GEMIN2: variants seen among roughly 807,000 people sequenced by gnomAD.
GEMIN2 encodes gem nuclear organelle associated protein 2, also known as gem-associated protein 2.
Under a neutral mutation model 45.8 loss-of-function variants are expected in GEMIN2, and 37 were observed. That is an observed-to-expected ratio of 0.81 (90% confidence interval 0.62 to 1.06). GEMIN2 has a LOEUF of 1.06. Ranked by LOEUF, GEMIN2 falls within the 50% of genes least tolerant of loss-of-function variation. The pLI is 0.00. For synonymous variants in GEMIN2, 101 were observed against 111.5 expected (o/e 0.91, Z 0.60); for missense variants, 335 against 321.8 (o/e 1.04, Z -0.31).
At chr14:39,134,822 C>A (rs35502984) in intron 9 of GEMIN2, among the ~76,000 whole-genome samples, 1 of 151,940 alleles carries the variant, frequency 6.6e-6, no homozygotes, top group South Asian at 2.1e-4. Flanking sequence ...ACTTTGACTC[C>A]GGAGCTAAAC....
intron 4 of GEMIN2, chr14:39,121,875 G>T (rs1186632576): frequency 6.3e-6 from 1 of 157,698 alleles, no homozygotes; most frequent in South Asian, 1.4e-4. Context: ...ACCACATCCG[G>T]CTAATTTTTT....
chr14:39,129,644 C>G (rs2052689785), intron 7 of GEMIN2, among the ~76,000 whole-genome samples: 1 of 152,102 alleles, frequency 6.6e-6, no homozygotes, highest in South Asian at 2.1e-4. Flanking sequence ...AACTCATGAC[C>G]TCAGGTGATC....
At chr14:39,123,155 A>T (rs2052594995) in intron 5 of GEMIN2, among the ~76,000 whole-genome samples, 1 of 152,214 alleles carries the variant, frequency 6.6e-6, no homozygotes, top group Non-Finnish European at 1.5e-5. Context: ...TTCAGGATTT[A>T]CCTGCCCCCA....
rs1464522374 is a variant in GEMIN2 at position 39,128,451 on chromosome 14, T to C, written c.600+103T>C. 5.1e-6 allele frequency: 3 copies of C among 589,590 alleles called. No individual in the cohort carries two copies. The East Asian group carries it at 8.9e-5, about 17-fold the overall frequency. The allele number at this position is 589,590 out of a possible 1,614,324, so 36.5% of individuals were successfully genotyped here. ...TGGTGCTCCTATAGGATTATAATAC[T>C]GTATTTTTACTGCACATTTTCTTTT... On this transcript the variant is annotated intron_variant, in intron 7 of 9. Transcript: ENST00000308317.
Position 39,122,460 on chromosome 14 carries a change from A to C in GEMIN2, c.403A>C (p.Lys135Gln). The C allele has an allele frequency of 6.2e-7, 1 of 1,603,808 alleles. No homozygotes were observed. The highest frequency in any genetic ancestry group is 8.5e-7 in the Non-Finnish European group (1 of 1,173,760). Residue 135 changes from lysine to glutamine, a missense_variant, in exon 5 of 10, where the codon AAA (lysine) becomes CAA (glutamine). Lys to Gln is a moderately conservative substitution (Grantham distance 53, BLOSUM62 1). Coordinates refer to ENST00000308317, the MANE Select transcript of GEMIN2 (RefSeq NM_003616.3). ...PKSEDEEGWK[K>Q]FCLGEKLCAD... is the part of the protein sequence containing the mutation. ...ATCTGAAGATGAAGAAGGCTGGAAG[A>C]AATTTTGTCTGGGTGAAAAGTTATG...
At chr14:39,117,401 G>A (rs17617289) in intron 2 of GEMIN2, among the ~76,000 whole-genome samples, 6 of 151,760 alleles carry the variant, frequency 4.0e-5, no homozygotes, top group East Asian at 1.9e-4. Flanking sequence ...GCTTTATCAC[G>A]CAGGCACAAT....
rs780138729 is a variant in GEMIN2 at position 39,128,293 on chromosome 14, G to C, written c.545G>C (p.Ser182Thr). 24 of 1,553,352 alleles carry C rather than the reference G, an allele frequency of 1.5e-5. No individual in the cohort carries two copies. The East Asian group carries it at 5.2e-4, about 34-fold the overall frequency. The change falls in exon 7 of 10, where the codon AGT (serine) becomes ACT (threonine). Residue 182 changes from serine (S) to threonine (T), a missense_variant. Physicochemically the swap from Ser to Thr is moderately conservative, Grantham distance 58 (BLOSUM62 1). Coordinates refer to ENST00000308317, the MANE Select transcript of GEMIN2 (RefSeq NM_003616.3). ...TTTTTTTTTTAGGCAACAGTAACTA[G>C]TGTCTTGGAATATCTGAGTAATTGG... ...VSRMNQATVT[S>T]VLEYLSNWFG...
chr14:39,122,001 G>A (rs940121143), intron 4 of GEMIN2: 22 of 172,740 alleles, frequency 1.3e-4, no homozygotes, highest in Admixed American at 1.2e-4. Context: ...GATTACAGGC[G>A]TGAACCACCG....
rs186280410 is a variant in GEMIN2 at position 39,115,372 on chromosome 14, G to T, written c.222+459G>T. On this transcript the variant is annotated intron_variant, in intron 2 of 9. Coordinates refer to ENST00000308317, the MANE Select transcript of GEMIN2 (RefSeq NM_003616.3). Reference sequence around the variant, plus strand: ...AGGAACTTTTTCCAGTTATTGGATTGGTGTTTAATCTTAGTGTGCTTTGCA... The same window carrying T: ...AGGAACTTTTTCCAGTTATTGGATTTGTGTTTAATCTTAGTGTGCTTTGCA... Among the ~76,000 whole-genome samples, 4 of 151,428 alleles carry T rather than the reference G, an allele frequency of 2.6e-5. No individual in the cohort carries two copies. The East Asian group carries it at 7.8e-4, about 29-fold the overall frequency.
intron 4 of GEMIN2, among the ~76,000 whole-genome samples, chr14:39,121,362 A>G (rs1416448317): frequency 2.4e-4 from 36 of 152,086 alleles, no homozygotes; most frequent in Non-Finnish European, 1.5e-5. Context: ...TGAGACAACT[A>G]TCTCTACAAA....
intron 9 of GEMIN2, 49 bp downstream of exon 9, chr14:39,133,768 G>T: frequency 1.0e-6 from 1 of 997,566 alleles, no homozygotes; most frequent in South Asian, 1.6e-5. Flanking sequence ...AGGTCAGTGA[G>T]GTTAGATCGT....
At chr14:39,122,942 G>A (rs539934821) in intron 5 of GEMIN2, among the ~76,000 whole-genome samples, 1 of 152,178 alleles carries the variant, frequency 6.6e-6, no homozygotes, top group South Asian at 2.1e-4. Context: ...TTTTTTAAAT[G>A]ATGAGGCATC....
intron 5 of GEMIN2, among the ~76,000 whole-genome samples, chr14:39,123,487 G>A (rs191511781): frequency 1.3e-5 from 2 of 151,616 alleles, no homozygotes; most frequent in African/African-American, 2.4e-5. Context: ...CTATGCCAAG[G>A]TGCTATTTTT....
chr14:39,123,492 A>C (rs1051328283), intron 5 of GEMIN2, among the ~76,000 whole-genome samples: 5 of 151,584 alleles, frequency 3.3e-5, no homozygotes, highest in Non-Finnish European at 7.4e-5. Flanking sequence ...CCAAGGTGCT[A>C]TTTTTCAGGT....
Position 39,129,934 on chromosome 14 carries a change from G to GTTTTTTT in GEMIN2, c.600+1604_600+1610dup, listed in dbSNP as rs34165330. On this transcript the variant is annotated intron_variant, in intron 7 of 9. Transcript: ENST00000308317. ...TCCTTATCTCATTGCAGACAAGTTTGTTTTTTTTTTTTTTTTTTTTTTTTG... is the reference window on the plus strand; with the variant it reads ...TCCTTATCTCATTGCAGACAAGTTTGTTTTTTTTTTTTTTTTTTTTTTTTTTTTTTTG... 1.9e-3 allele frequency among the ~76,000 whole-genome samples: 117 copies of GTTTTTTT among 61,438 alleles called. 6 individuals carry two copies. Among genetic ancestry groups the GTTTTTTT allele is most frequent in the Middle Eastern group, 0.016 (1 of 62 alleles). The allele number at this position is 61,438 out of a possible 152,430, so 40.3% of individuals were successfully genotyped here. A position where few individuals can be genotyped will look rare whatever the true frequency, so the allele number is the denominator to read the frequency against.
intron 8 of GEMIN2, 83 bp from the exon 9 acceptor site, chr14:39,133,578 T>A: frequency 1.4e-6 from 1 of 692,042 alleles, no homozygotes; most frequent in Admixed American, 2.9e-5. Context: ...TTTTCATGTT[T>A]CGTGTTTTAC....
At chr14:39,117,425 A>C (rs1306461833) in intron 2 of GEMIN2, among the ~76,000 whole-genome samples, 2 of 152,204 alleles carry the variant, frequency 1.3e-5, no homozygotes, top group Non-Finnish European at 2.9e-5. Context: ...AATTGTACAT[A>C]TTTATGGAGT....
chr14:39,114,421 G>T lies in GEMIN2; in HGVS notation c.83G>T (p.Gly28Val), dbSNP rs2052474273. ...LPVEPCDLTE[G>V]FDPSVPPRTP... ...GTAGAGCCTTGCGACTTGACGGAAG[G>T]TTTCGATCCCTCGGTACCCCCGAGG... The change falls in exon 1 of 10, where the codon GGT (glycine) becomes GTT (valine). Residue 28 changes from glycine (G) to valine (V), a missense_variant. Transcript: ENST00000308317. The T allele has an allele frequency of 5.6e-6, 9 of 1,613,986 alleles. No homozygotes were observed. Among genetic ancestry groups the T allele is most frequent in the Non-Finnish European group, 7.6e-6 (9 of 1,179,956 alleles).
chr14:39,135,530 G>C (rs376692890), intron 9 of GEMIN2, among the ~76,000 whole-genome samples: 1 of 151,790 alleles, frequency 6.6e-6, no homozygotes, highest in African/African-American at 2.4e-5. Flanking sequence ...AGGTTGCAGT[G>C]AGCTGAGATC....
Sources: allele counts gnomAD v4.1 joint callset (sites outside exome capture counted in the v4.1 genomes callset), GRCh38; gene constraint gnomAD v4.1.1; transcripts MANE v1.5; gene names NCBI Gene and HGNC (gene_info 2026-07-23, HGNC 2026-07-21).